Variants in CRIPTO observed in about 807,000 individuals in gnomAD.
CRIPTO encodes the protein cripto, EGF-CFC family member, also known as protein Cripto.
chr3:46,578,141 C>T, the CRIPTO span: 21 of 876,546 alleles, frequency 2.4e-5, no homozygotes, highest in South Asian at 3.1e-4. Flanking sequence ...GCTGTTTTTC[C>T]TGAAAGACCT....
At chr3:46,575,029 T>C in the CRIPTO span, among the ~76,000 whole-genome samples, 3 of 152,224 alleles carry the variant, frequency 2.0e-5, no homozygotes, top group African/African-American at 4.8e-5. Context: ...GGAACCCCCG[T>C]TGCACAGCAC....
chr3:46,578,031 T>G, the CRIPTO span: 1 of 1,613,198 alleles, frequency 6.2e-7, no homozygotes. Context: ...AATGTGAACT[T>G]TTTTTGATTG....
chr3:46,577,453 G>A, the CRIPTO span: 1 of 165,084 alleles, frequency 6.1e-6, no homozygotes, highest in African/African-American at 2.4e-5. Flanking sequence ...TACATTTTCA[G>A]GTTTTCCTAA....
the CRIPTO span, chr3:46,581,372 G>T: frequency 1.9e-4 from 156 of 840,530 alleles, 1 homozygote; most frequent in East Asian, 3.8e-3. Context: ...TTAAAATAAT[G>T]AATACATTTC....
At chr3:46,575,702 GT>G in the CRIPTO span, among the ~76,000 whole-genome samples, 2 of 152,164 alleles carry the variant, frequency 1.3e-5, no homozygotes, top group African/African-American at 4.8e-5. Flanking sequence ...ACGCAGGGGT[GT>G]GTTCTTTTGC....
the CRIPTO span, chr3:46,579,491 T>C: frequency 2.9e-5 from 45 of 1,543,188 alleles, no homozygotes; most frequent in Non-Finnish European, 3.7e-5. Flanking sequence ...GGACTGCTTT[T>C]GGTTTTGGAA....
At chr3:46,581,596 G>A in the CRIPTO span, 121 of 559,348 alleles carry the variant, frequency 2.2e-4, 1 homozygote, top group South Asian at 2.7e-3. Context: ...TGCAACCTCC[G>A]CATCCGGGGT....
At chr3:46,575,552 G>T in the CRIPTO span, among the ~76,000 whole-genome samples, 32 of 152,208 alleles carry the variant, frequency 2.1e-4, 1 homozygote, top group African/African-American at 7.0e-4. Flanking sequence ...TGAAAAGCTG[G>T]CATCCTGGGG....
the CRIPTO span, chr3:46,577,860 T>C: frequency 8.2e-7 from 1 of 1,219,422 alleles, no homozygotes; most frequent in Non-Finnish European, 1.2e-6. Flanking sequence ...ATTTTCTTCT[T>C]AAATTGCCAT....
the CRIPTO span, chr3:46,579,212 G>C: frequency 6.2e-7 from 1 of 1,614,104 alleles, no homozygotes; most frequent in Admixed American, 1.7e-5. Context: ...CAGACTCCAT[G>C]AATTGATTTT....
the CRIPTO span, chr3:46,581,384 A>G: frequency 3.3e-5 from 26 of 788,310 alleles, no homozygotes; most frequent in Non-Finnish European, 5.4e-5. Flanking sequence ...ATACATTTCC[A>G]AAATGGTCTC....
chr3:46,575,671 G>A, the CRIPTO span, among the ~76,000 whole-genome samples: 1 of 152,128 alleles, frequency 6.6e-6, no homozygotes, highest in African/African-American at 2.4e-5. Flanking sequence ...TTCCACAAGA[G>A]CTTTAGATAA....
At chr3:46,577,121 C>T in the CRIPTO span, 28,779 of 152,452 alleles carry the variant, frequency 0.19, 3,404 homozygotes, top group East Asian at 0.27. Flanking sequence ...TCTGGCCGCC[C>T]CTCCCCTCTC....
At chr3:46,579,507 A>T in the CRIPTO span, 2 of 1,446,410 alleles carry the variant, frequency 1.4e-6, no homozygotes, top group South Asian at 1.2e-5. Context: ...TGGAAGTGAG[A>T]CAAGGATTGT....
chr3:46,579,574 A>T, the CRIPTO span: 4 of 1,154,986 alleles, frequency 3.5e-6, no homozygotes, highest in African/African-American at 6.1e-5. Context: ...CACACTGGGG[A>T]ACCCAGAACC....
At chr3:46,580,912 T>A in the CRIPTO span, among the ~76,000 whole-genome samples, 1 of 152,182 alleles carries the variant, frequency 6.6e-6, no homozygotes, top group Admixed American at 6.5e-5. Flanking sequence ...ATTGGATGTG[T>A]AGGGAACATG....
chr3:46,580,227 C>T, the CRIPTO span: 1 of 853,632 alleles, frequency 1.2e-6, no homozygotes, highest in Non-Finnish European at 1.9e-6. Flanking sequence ...TTGCCTTGGC[C>T]TCTTTGATAT....
the CRIPTO span, chr3:46,577,698 C>T: frequency 1.9e-6 from 1 of 539,702 alleles, no homozygotes. Flanking sequence ...TCTCCCCGCC[C>T]CGACTGGGGT....
the CRIPTO span, chr3:46,579,742 A>G: frequency 6.2e-7 from 1 of 1,612,580 alleles, no homozygotes; most frequent in South Asian, 1.1e-5. Flanking sequence ...CTTTCAGGTA[A>G]GGAGCTAAAC....
Sources: gnomAD v4.1 joint callset for allele counts (sites outside exome capture counted in the v4.1 genomes callset) on GRCh38, gnomAD v4.1.1 for gene constraint, MANE v1.5 for transcripts, NCBI Gene and HGNC (gene_info 2026-07-23, HGNC 2026-07-21) for gene names.